RECK: variants seen among roughly 807,000 people sequenced by gnomAD.
The protein encoded by RECK is reversion-inducing cysteine-rich protein with Kazal motifs.
In RECK, 69 loss-of-function variants were observed where a neutral mutation model predicts 115.1. The observed-to-expected ratio is 0.60, with a 90% CI of 0.49 to 0.73. The LOEUF is 0.73. Among genes scored for constraint, RECK ranks in the 30% least tolerant of loss-of-function variants. RECK has a pLI of 0.00. For missense variants in RECK, 1,047 were observed against 1,203.7 expected (o/e 0.87, Z 1.93); for synonymous variants, 414 against 419.7 (o/e 0.99, Z 0.17).
chr9:36,116,451 A>T (rs1824271389), intron 16 of RECK, among the ~76,000 whole-genome samples: 1 of 152,148 alleles, frequency 6.6e-6, no homozygotes, highest in African/African-American at 2.4e-5. Context: ...AGGTAGACTC[A>T]TATTAGCCAA....
intron 15 of RECK, among the ~76,000 whole-genome samples, chr9:36,110,937 C>T (rs1353523765): frequency 6.6e-6 from 1 of 152,048 alleles, no homozygotes; most frequent in Non-Finnish European, 1.5e-5. Flanking sequence ...AGAGGTAGGA[C>T]GAACACTACC....
At chr9:36,114,194 C>T (rs1477013257) in intron 16 of RECK, among the ~76,000 whole-genome samples, 2 of 152,204 alleles carry the variant, frequency 1.3e-5, no homozygotes, top group Non-Finnish European at 2.9e-5. Flanking sequence ...TTGTCTAGAA[C>T]TCAGTCCGTT....
At chr9:36,093,780 G>A (rs979835299) in intron 10 of RECK, among the ~76,000 whole-genome samples, 6 of 152,032 alleles carry the variant, frequency 3.9e-5, no homozygotes, top group Non-Finnish European at 7.4e-5. Context: ...TAAATACAAA[G>A]AGAGACACAC....
At chr9:36,103,474 T>TAA (rs144948952) in intron 12 of RECK, among the ~76,000 whole-genome samples, 2,187 of 152,132 alleles carry the variant, frequency 0.014, 52 homozygotes, top group African/African-American at 0.048. Context: ...TTCCAGAAGG[T>TAA]AAAAAGGAAG....
chr9:36,041,552 C>T (rs1422264910), intron 1 of RECK, among the ~76,000 whole-genome samples: 1 of 152,086 alleles, frequency 6.6e-6, no homozygotes, highest in African/African-American at 2.4e-5. Flanking sequence ...GATTAGGGGG[C>T]TGGTTATATA....
chr9:36,104,894 C>G (rs1432316462), intron 12 of RECK, among the ~76,000 whole-genome samples: 2 of 151,974 alleles, frequency 1.3e-5, no homozygotes, highest in Non-Finnish European at 2.9e-5. Flanking sequence ...CACTGTATCT[C>G]CAGCACCTAG....
chr9:36,070,041 A>G (rs1286062805), intron 6 of RECK, among the ~76,000 whole-genome samples: 4 of 152,242 alleles, frequency 2.6e-5, no homozygotes, highest in Non-Finnish European at 5.9e-5. Flanking sequence ...CTAAACAGCT[A>G]AAACAAAATT....
At chr9:36,110,114 C>T (rs769509898) in intron 15 of RECK, 35 bp downstream of exon 15, 3 of 1,565,130 alleles carry the variant, frequency 1.9e-6, no homozygotes, top group Non-Finnish European at 2.6e-6. Context: ...TCCTCAGGGG[C>T]CATCATTTCT....
intron 6 of RECK, among the ~76,000 whole-genome samples, chr9:36,077,189 T>C (rs992998671): frequency 2.6e-5 from 4 of 152,134 alleles, no homozygotes. Context: ...GTGGTATTGG[T>C]AAGCAGGTCA....
At chr9:36,116,632 T>C (rs917188625) in intron 16 of RECK, among the ~76,000 whole-genome samples, 15 of 152,150 alleles carry the variant, frequency 9.9e-5, no homozygotes, top group Admixed American at 3.3e-4. Context: ...CAGCACCACA[T>C]TCCTTGAGCA....
At chr9:36,107,829 G>A in intron 13 of RECK, 147 bp from the exon 14 acceptor site, 1 of 601,476 alleles carries the variant, frequency 1.7e-6, no homozygotes, top group Non-Finnish European at 2.8e-6. Flanking sequence ...ATGAACCAAA[G>A]CAATTCCTTA....
chr9:36,112,193 C>A (rs888864343), intron 15 of RECK, 112 bp from the exon 16 acceptor site: 20 of 660,756 alleles, frequency 3.0e-5, no homozygotes, highest in East Asian at 3.6e-5. Flanking sequence ...ATTTACAATT[C>A]TATTTTAACG....
chr9:36,074,070 T>G (rs1822350173), intron 6 of RECK, among the ~76,000 whole-genome samples: 1 of 152,140 alleles, frequency 6.6e-6, no homozygotes, highest in South Asian at 2.1e-4. Context: ...CATCATTACC[T>G]CTATTGAACT....
chr9:36,096,429 C>G (rs554734612), intron 10 of RECK, among the ~76,000 whole-genome samples: 1 of 150,598 alleles, frequency 6.6e-6, no homozygotes, highest in South Asian at 2.1e-4. Flanking sequence ...CCCAGCTACT[C>G]AGGAGGCTGA....
At chr9:36,072,555 A>G (rs1048563565) in intron 6 of RECK, 1 of 152,238 alleles carries the variant, frequency 6.6e-6, no homozygotes, top group African/African-American at 2.4e-5. Context: ...CTCAGGACCT[A>G]AAAGTAAAGC....
chr9:36,057,001 C>G, intron 2 of RECK: 2 of 985,296 alleles, frequency 2.0e-6, no homozygotes, highest in Non-Finnish European at 2.4e-6. Context: ...TTTACCGTCT[C>G]AGCTATTTGC....
At position 36,039,009 on chromosome 9, in the gene RECK, A is replaced by G. The variant is rs78708150; in HGVS notation, c.100+1911A>G. ...TTCATGGTATACAAATTGTAGCTCAATAAAGTTGTTAAAGAAAGAAACTTG... is the reference window on the plus strand; with the variant it reads ...TTCATGGTATACAAATTGTAGCTCAGTAAAGTTGTTAAAGAAAGAAACTTG... On this transcript the variant is annotated intron_variant, in intron 1 of 20. Transcript: ENST00000377966. Among the ~76,000 whole-genome samples the G allele has an allele frequency of 3.8e-3, 585 of 152,358 alleles. 4 individuals carry two copies. The highest frequency in any genetic ancestry group is 0.014 in the African/African-American group (564 of 41,574).
chr9:36,047,772 A>G lies in RECK; in HGVS notation c.101-4493A>G, dbSNP rs560677453. ...AACCAAATGTTTAGAACTTCAAGAC[A>G]TGTTTTGACATAGAAATAGTATTAG... On this transcript the variant is annotated intron_variant, in intron 1 of 20. Coordinates refer to ENST00000377966, the MANE Select transcript of RECK (RefSeq NM_021111.3). 1.7e-3 allele frequency among the ~76,000 whole-genome samples: 260 copies of G among 150,368 alleles called. 2 individuals carry two copies. Among genetic ancestry groups the G allele is most frequent in the African/African-American group, 6.1e-3 (247 of 40,808 alleles).
intron 1 of RECK, among the ~76,000 whole-genome samples, chr9:36,047,128 C>T (rs1821095127): frequency 6.6e-6 from 1 of 152,324 alleles, no homozygotes; most frequent in Admixed American, 6.5e-5. Context: ...TTTCTGCCCT[C>T]ACATGAACTT....
Sources: allele counts gnomAD v4.1 joint callset (sites outside exome capture counted in the v4.1 genomes callset), GRCh38; gene constraint gnomAD v4.1.1; transcripts MANE v1.5; gene names NCBI Gene and HGNC (gene_info 2026-07-23, HGNC 2026-07-21).